Variants in TRIM62 observed in about 807,000 individuals in gnomAD.
TRIM62 encodes the protein tripartite motif containing 62, also known as E3 ubiquitin-protein ligase TRIM62.
TRIM62 carries 39 observed loss-of-function variants against 44.2 expected under a neutral mutation model. That is an observed-to-expected ratio of 0.88 (90% CI 0.68 to 1.15). The LOEUF (loss-of-function observed/expected upper bound fraction) is 1.15. Ranked by LOEUF, TRIM62 falls within the 50% of genes most tolerant of loss-of-function variation. The pLI is 0.00. For missense variants in TRIM62, 544 were observed against 665.5 expected (o/e 0.82, Z 2.01); for synonymous variants, 278 against 292.3 (o/e 0.95, Z 0.50).
Position 33,181,399 on chromosome 1 carries a change from A to C in TRIM62, c.34T>G (p.Ser12Ala). Reference protein sequence around the residue: ...ACSLKDELLCSICLSIYQDPV... With the variant: ...ACSLKDELLCAICLSIYQDPV... ...TCCTGGTAGATGCTCAGGCAGATGG[A>C]GCACAGCAGCTCGTCCTTGAGGCTG... Residue 12 changes from serine to alanine, a missense_variant, in exon 1 of 5, where the codon TCC becomes GCC. Transcript: ENST00000291416. This position sits in a 1 kb window ranked among gnomAD's most constrained non-coding sequence, Gnocchi z 6.5. 2 of 1,602,564 alleles carry C rather than the reference A, an allele frequency of 1.2e-6. No homozygotes were observed. Among genetic ancestry groups the C allele is most frequent in the East Asian group, 4.5e-5 (2 of 44,288 alleles).
Position 33,167,969 on chromosome 1 carries a change from A to T in TRIM62, c.409-2403T>A, listed in dbSNP as rs1359397165. 6.6e-6 allele frequency among the ~76,000 whole-genome samples: 1 copy of T among 152,212 alleles called. No individual in the cohort carries two copies. Among genetic ancestry groups the T allele is most frequent in the Non-Finnish European group, 1.5e-5 (1 of 68,042 alleles). On this transcript the variant is annotated intron_variant, in intron 1 of 4. Coordinates refer to ENST00000291416, the MANE Select transcript of TRIM62 (RefSeq NM_018207.3). This position sits in a 1 kb window ranked among gnomAD's most constrained non-coding sequence, Gnocchi z 4.2. ...CAAGACAGACACAGTCCCTGATCAT[A>T]GGGACTAGTCTGGTGGGGAAGACAG...
intron 1 of TRIM62, among the ~76,000 whole-genome samples, chr1:33,175,553 T>C (rs917075109): frequency 2.0e-5 from 3 of 152,116 alleles, no homozygotes; most frequent in Admixed American, 2.0e-4. Context: ...AACCAGATGG[T>C]TTCTCAGGTT....
In TRIM62 at chr1:33,181,109, CGCGCGGTCCG is replaced by C; in HGVS notation, c.314_323del (p.Thr105SerfsTer32). 4 of 1,599,966 alleles carry C rather than the reference CGCGCGGTCCG, an allele frequency of 2.5e-6. No individual in the cohort carries two copies. The highest frequency in any genetic ancestry group is 2.5e-6 in the Non-Finnish European group (3 of 1,178,714). ...GCTCGTCGCAGAAGAAGCAGAGAAG[CGCGCGGTCCG>C]TGAGGCAGAAGAGCTTGACCTTGTC... is the stretch of plus-strand genomic sequence containing the variant. On this transcript the variant is annotated frameshift_variant, in exon 1 of 5. Transcript: ENST00000291416. LOFTEE classifies it high-confidence loss of function. The surrounding 1 kb of genome is among the most constrained non-coding windows in gnomAD (Gnocchi z 6.5).
chr1:33,181,906 G>C lies in TRIM62; in HGVS notation c.-474C>G, dbSNP rs1645468689. On this transcript the variant is annotated 5_prime_UTR_variant, in exon 1 of 5. Transcript: ENST00000291416. This position sits in a 1 kb window ranked among gnomAD's most constrained non-coding sequence, Gnocchi z 6.5. ...GGGCAGCCAGGCCGAGCCGTACATT[G>C]GCTGTGACCGGCAGAGAAGAGGAGG... The C allele has an allele frequency of 1.8e-5, 3 of 168,750 alleles. No individual in the cohort carries two copies. The highest frequency in any genetic ancestry group is 3.8e-5 in the Non-Finnish European group (3 of 78,558). 10.5% of individuals were successfully genotyped at this position (168,750 alleles called of 1,614,324 possible).
chr1:33,150,711 A>G (rs1376976862), intron 4 of TRIM62, among the ~76,000 whole-genome samples: 1 of 152,162 alleles, frequency 6.6e-6, no homozygotes, highest in Non-Finnish European at 1.5e-5. Context: ...AATGTGGGCA[A>G]TTCCCACAGT....
chr1:33,155,458 C>A (rs1448812025), intron 4 of TRIM62, among the ~76,000 whole-genome samples: 1 of 151,992 alleles, frequency 6.6e-6, no homozygotes. Flanking sequence ...AACTCTGACC[C>A]CTGTGTGACC....
intron 4 of TRIM62, among the ~76,000 whole-genome samples, chr1:33,148,167 T>A (rs934135754): frequency 8.5e-5 from 13 of 152,158 alleles, no homozygotes; most frequent in African/African-American, 3.1e-4. Context: ...GATCCAGGGA[T>A]GCTAAAGACC....
intron 4 of TRIM62, among the ~76,000 whole-genome samples, chr1:33,155,868 T>A (rs1301720001): frequency 6.6e-6 from 1 of 152,218 alleles, no homozygotes; most frequent in African/African-American, 2.4e-5. Flanking sequence ...CAACACCTGA[T>A]AAGTCTACTA....
intron 1 of TRIM62, among the ~76,000 whole-genome samples, chr1:33,178,857 G>A (rs557536542): frequency 6.6e-6 from 1 of 152,336 alleles, no homozygotes; most frequent in South Asian, 2.1e-4. Context: ...TTTCTCCTGT[G>A]TCCCCCAGGT....
chr1:33,174,937 A>G (rs1250165207), intron 1 of TRIM62, among the ~76,000 whole-genome samples: 1 of 34,072 alleles, frequency 2.9e-5, no homozygotes, highest in African/African-American at 9.9e-5. Flanking sequence ...ACACATACAT[A>G]TATGTGTGTA....
intron 4 of TRIM62, among the ~76,000 whole-genome samples, 194 bp downstream of exon 4, chr1:33,158,059 C>A (rs1645205209): frequency 6.6e-6 from 1 of 152,160 alleles, no homozygotes; most frequent in Non-Finnish European, 1.5e-5. Context: ...CCAGCCATCT[C>A]CTGGGGTGTT....
chr1:33,181,068 T>G lies in TRIM62; in HGVS notation c.365A>C (p.Gln122Pro), dbSNP rs554052200. ...GTCGTCGATGCCGGTGACCTGATGC[T>G]GCTCGTGCAGTGCAGGCTCGTCGCA... ...FFCDEPALHE[Q>P]HQVTGIDDAF... is the part of the protein sequence containing the mutation. The change falls in exon 1 of 5, where the codon CAG becomes CCG. Residue 122 changes from glutamine (Q) to proline (P), a missense_variant. Transcript: ENST00000291416. This position sits in a 1 kb window ranked among gnomAD's most constrained non-coding sequence, Gnocchi z 6.5. The G allele has an allele frequency of 6.3e-7, 1 of 1,596,512 alleles. No homozygotes were observed. Among genetic ancestry groups the G allele is most frequent in the Non-Finnish European group, 8.5e-7 (1 of 1,176,870 alleles).
chr1:33,175,863 TAG>T (rs1303510609), intron 1 of TRIM62, among the ~76,000 whole-genome samples: 2 of 152,226 alleles, frequency 1.3e-5, no homozygotes, highest in Non-Finnish European at 1.5e-5. Context: ...TATAATTTTA[TAG>T]AGTCATTGTT....
At chr1:33,163,868 GC>G (rs1386300944) in intron 2 of TRIM62, 1 of 152,612 alleles carries the variant, frequency 6.6e-6, no homozygotes, top group Non-Finnish European at 1.5e-5. Flanking sequence ...AGGAAGTGGG[GC>G]TGGGGGAACT....
At chr1:33,171,024 C>T (rs980340115) in intron 1 of TRIM62, among the ~76,000 whole-genome samples, 30 of 152,190 alleles carry the variant, frequency 2.0e-4, no homozygotes, top group Non-Finnish European at 7.3e-5. Context: ...GTGGCCCCTC[C>T]TTCCCTTCTC....
intron 1 of TRIM62, among the ~76,000 whole-genome samples, chr1:33,176,766 G>A (rs181427005): frequency 3.9e-5 from 6 of 152,314 alleles, no homozygotes; most frequent in Middle Eastern, 3.4e-3. Flanking sequence ...TACCAGCTGC[G>A]TGACCAAATG....
In TRIM62 at chr1:33,181,097, G is replaced by A; in HGVS notation, c.336C>T (p.Phe112=). 7 of 1,599,674 alleles carry A rather than the reference G, an allele frequency of 4.4e-6. No individual in the cohort carries two copies. The highest frequency in any genetic ancestry group is 5.9e-6 in the Non-Finnish European group (7 of 1,178,728). Residue 112 remains phenylalanine, a synonymous_variant, in exon 1 of 5, where the codon TTC becomes TTT. Coordinates refer to ENST00000291416, the MANE Select transcript of TRIM62 (RefSeq NM_018207.3). The surrounding 1 kb of genome is among the most constrained non-coding windows in gnomAD (Gnocchi z 6.5). The stretch of plus-strand genomic sequence containing the variant: ...CGTGCAGTGCAGGCTCGTCGCAGAA[G>A]AAGCAGAGAAGCGCGCGGTCCGTGA... The part of the protein sequence containing the change: ...FCLTDRALLC[F]FCDEPALHEQ...
intron 1 of TRIM62, among the ~76,000 whole-genome samples, chr1:33,178,468 T>A (rs1467925002): frequency 6.6e-6 from 1 of 152,192 alleles, no homozygotes; most frequent in Non-Finnish European, 1.5e-5. Context: ...CAAGGCCTCC[T>A]TCTCGGGCCA....
In TRIM62 at chr1:33,167,687, G is replaced by T. The variant is rs1385049541; in HGVS notation, c.409-2121C>A. 1.3e-5 allele frequency among the ~76,000 whole-genome samples: 2 copies of T among 152,210 alleles called. No individual in the cohort carries two copies. The highest frequency in any genetic ancestry group is 2.9e-5 in the Non-Finnish European group (2 of 68,042). On this transcript the variant is annotated intron_variant, in intron 1 of 4. Transcript: ENST00000291416. The surrounding 1 kb of genome is among the most constrained non-coding windows in gnomAD (Gnocchi z 4.2). ...CTGGGCTGTGAGCAGTGCCAGGAAGGCTGACTTACCTGTTCACATCCACCT... is the reference window on the plus strand; with the variant it reads ...CTGGGCTGTGAGCAGTGCCAGGAAGTCTGACTTACCTGTTCACATCCACCT...
Sources: gnomAD v4.1 joint callset for allele counts (sites outside exome capture counted in the v4.1 genomes callset) on GRCh38, gnomAD v4.1.1 for gene constraint, Gnocchi (gnomAD v3.1) non-coding constraint, MANE v1.5 for transcripts, NCBI Gene and HGNC (gene_info 2026-07-23, HGNC 2026-07-21) for gene names.